PPFIA2: variants seen among roughly 807,000 people sequenced by gnomAD.
PPFIA2 encodes the protein PPFI scaffold protein A2.
PPFIA2 carries 46 observed loss-of-function variants against 175.5 expected under a neutral mutation model. The ratio of observed to expected loss-of-function variants is 0.26; its 90% CI spans 0.21 to 0.34. The LOEUF (loss-of-function observed/expected upper bound fraction) is 0.34, where lower values mean the gene tolerates loss of function less well. PPFIA2 is among the 10% of genes least tolerant of loss of function. PPFIA2 has a pLI of 1.00. For missense variants in PPFIA2, 1,179 were observed against 1,506.1 expected, an observed-to-expected ratio of 0.78 and a Z score of 3.60; for synonymous variants, 568 against 511.4, an observed-to-expected ratio of 1.11 and a Z score of -1.49.
At chr12:81,430,794 A>C (rs1398263630) in intron 7 of PPFIA2, 1 of 152,192 alleles carries the variant, frequency 6.6e-6, no homozygotes, top group Non-Finnish European at 1.5e-5. Flanking sequence ...AATAATGTGT[A>C]TGATGCAATG....
chr12:81,642,805 ATG>A lies in PPFIA2; in HGVS notation c.303+33984_303+33985del, dbSNP rs1477992866. On this transcript the variant is annotated intron_variant, in intron 4 of 32. Transcript: ENST00000549396. ...TATATACATACATGTATATGTATGT[ATG>A]TATTACATACATGTATATGTATGTA... is the stretch of plus-strand genomic sequence containing the variant. Among the ~76,000 whole-genome samples the A allele has an allele frequency of 1.9e-3, 50 of 25,770 alleles. 15 individuals are homozygous for A. Among genetic ancestry groups the A allele is most frequent in the South Asian group, 0.014 (4 of 296 alleles). 16.9% of individuals were successfully genotyped at this position (25,770 alleles called of 152,430 possible).
chr12:81,582,961 C>T (rs553825783), intron 4 of PPFIA2, among the ~76,000 whole-genome samples: 6 of 151,938 alleles, frequency 3.9e-5, no homozygotes, highest in South Asian at 4.1e-4. Flanking sequence ...AAAAATATCA[C>T]TTCCTATGTT....
chr12:81,678,223 C>CCCTGTCTTT (rs2072944060), intron 3 of PPFIA2, among the ~76,000 whole-genome samples: 1 of 151,552 alleles, frequency 6.6e-6, no homozygotes, highest in Non-Finnish European at 1.5e-5. Flanking sequence ...ATAATTAAGT[C>CCCTGTCTTT]CCAATTGAAG....
intron 3 of PPFIA2, among the ~76,000 whole-genome samples, chr12:81,711,917 C>T (rs956300695): frequency 4.7e-5 from 7 of 150,120 alleles, no homozygotes; most frequent in Admixed American, 6.9e-5. Flanking sequence ...ATAACCATTT[C>T]TTATACTTCT....
At chr12:81,424,084 G>A (rs1375301168) in intron 7 of PPFIA2, among the ~76,000 whole-genome samples, 1 of 151,880 alleles carries the variant, frequency 6.6e-6, no homozygotes, top group East Asian at 1.9e-4. Flanking sequence ...GCATTCTAGG[G>A]AAACCCCATA....
At chr12:81,672,805 G>C (rs1390103065) in intron 4 of PPFIA2, among the ~76,000 whole-genome samples, 1 of 151,862 alleles carries the variant, frequency 6.6e-6, no homozygotes, top group Non-Finnish European at 1.5e-5. Context: ...ATAACATTTT[G>C]TAACATACAA....
chr12:81,423,451 C>T (rs2046639537), intron 7 of PPFIA2, among the ~76,000 whole-genome samples: 1 of 152,050 alleles, frequency 6.6e-6, no homozygotes, highest in South Asian at 2.1e-4. Context: ...TTAACATACA[C>T]AAATCAATCA....
At chr12:81,405,978 A>G (rs1260823643) in intron 7 of PPFIA2, 75 bp from the exon 8 acceptor site, 1 of 808,942 alleles carries the variant, frequency 1.2e-6, no homozygotes, top group Non-Finnish European at 2.0e-6. Flanking sequence ...ATTTACTTCA[A>G]TGTGGTTAAG....
At chr12:81,537,054 G>A (rs979079074) in intron 4 of PPFIA2, among the ~76,000 whole-genome samples, 22 of 151,488 alleles carry the variant, frequency 1.5e-4, no homozygotes, top group African/African-American at 5.1e-4. Context: ...CCTAAAGTCT[G>A]AGTGGAAAGC....
chr12:81,382,881 G>A (rs2038048235), intron 9 of PPFIA2, among the ~76,000 whole-genome samples: 1 of 152,084 alleles, frequency 6.6e-6, no homozygotes, highest in African/African-American at 2.4e-5. Flanking sequence ...AATTCACCAG[G>A]GAAATAAAGG....
chr12:81,261,560 C>T lies in PPFIA2; in HGVS notation c.*33+389G>A, dbSNP rs550787525. Among the ~76,000 whole-genome samples the T allele has an allele frequency of 1.8e-4, 28 of 152,198 alleles. No homozygotes were observed. In the South Asian group the frequency reaches 2.3e-3, roughly 12 times the overall value. ...CGGTGAACTTGCTTAAATCCCTATC[C>T]GCTACCTTGGCTTCCTTATATAAAA... On this transcript the variant is annotated intron_variant, in intron 32 of 32. Coordinates refer to ENST00000549396, the MANE Select transcript of PPFIA2 (RefSeq NM_003625.5).
intron 3 of PPFIA2, among the ~76,000 whole-genome samples, chr12:81,684,545 A>T (rs1350131719): frequency 6.6e-6 from 1 of 152,164 alleles, no homozygotes; most frequent in East Asian, 1.9e-4. Context: ...GCTGAATCTC[A>T]GAGTACATAT....
chr12:81,336,713 T>C (rs2140202740), intron 21 of PPFIA2, among the ~76,000 whole-genome samples: 1 of 152,344 alleles, frequency 6.6e-6, no homozygotes, highest in East Asian at 1.9e-4. Context: ...TTAAGAGTTA[T>C]AAATCTTAGC....
intron 4 of PPFIA2, among the ~76,000 whole-genome samples, chr12:81,524,252 A>G (rs567582359): frequency 6.6e-6 from 1 of 152,248 alleles, no homozygotes; most frequent in East Asian, 1.9e-4. Context: ...GTTCTATTCC[A>G]GCACAGAAGA....
chr12:81,324,061 T>C (rs1352127675), intron 22 of PPFIA2, among the ~76,000 whole-genome samples: 1 of 152,076 alleles, frequency 6.6e-6, no homozygotes, highest in Non-Finnish European at 1.5e-5. Flanking sequence ...AAGCAAGTAT[T>C]CTACATAACA....
chr12:81,435,724 G>A (rs2048861465), intron 7 of PPFIA2, among the ~76,000 whole-genome samples: 1 of 152,080 alleles, frequency 6.6e-6, no homozygotes. Flanking sequence ...GCGTATGTAT[G>A]AATATATCAA....
chr12:81,563,048 G>A (rs938109518), intron 4 of PPFIA2, among the ~76,000 whole-genome samples: 3 of 151,788 alleles, frequency 2.0e-5, no homozygotes, highest in African/African-American at 7.3e-5. Context: ...CTCATTTTTT[G>A]TCTTTCTTTT....
intron 4 of PPFIA2, among the ~76,000 whole-genome samples, chr12:81,496,786 T>C (rs1949780229): frequency 6.6e-6 from 1 of 152,132 alleles, no homozygotes; most frequent in African/African-American, 2.4e-5. Flanking sequence ...GAGGTCAATG[T>C]TGTTACATTT....
intron 4 of PPFIA2, among the ~76,000 whole-genome samples, chr12:81,673,475 T>C (rs981899663): frequency 5.3e-5 from 8 of 152,096 alleles, no homozygotes; most frequent in African/African-American, 1.9e-4. Context: ...CAAAGTGGTA[T>C]ATTTACAAAG....
Sources: gnomAD v4.1 joint callset for allele counts (sites outside exome capture counted in the v4.1 genomes callset) on GRCh38, gnomAD v4.1.1 for gene constraint, MANE v1.5 for transcripts, NCBI Gene and HGNC (gene_info 2026-07-23, HGNC 2026-07-21) for gene names.